Variants in MAOB observed in about 807,000 individuals in gnomAD.
MAOB encodes monoamine oxidase B, also known as amine oxidase [flavin-containing] B.
A neutral mutation model predicts 41.9 loss-of-function variants in MAOB; 15 were observed. The observed-to-expected ratio is 0.36, with a 90% CI of 0.24 to 0.55. The LOEUF (loss-of-function observed/expected upper bound fraction) is 0.55, where lower values mean the gene tolerates loss of function less well. Ranked by LOEUF, MAOB falls within the 20% of genes least tolerant of loss-of-function variation. The pLI is 0.86. For synonymous variants in MAOB, 167 were observed against 144.2 expected, an observed-to-expected ratio of 1.16 and a Z score of -1.13; for missense variants, 345 against 398.7, an observed-to-expected ratio of 0.87 and a Z score of 1.15.
intron 1 of MAOB, among the ~76,000 whole-genome samples, chrX:43,866,455 C>T (rs778103593): frequency 8.9e-6 from 1 of 111,827 alleles, no homozygotes; most frequent in South Asian, 3.7e-4. Context: ...TGAAATAAGC[C>T]GGACACAAAA....
intron 11 of MAOB, among the ~76,000 whole-genome samples, chrX:43,776,929 A>G (rs2034267049): frequency 1.8e-5 from 2 of 110,971 alleles, no homozygotes; most frequent in African/African-American, 6.6e-5. Context: ...GTCCCTACAA[A>G]GGACATGAAC....
At chrX:43,778,858 G>A (rs71653616) in intron 10 of MAOB, 119 bp from the exon 11 acceptor site, 15,652 of 509,945 alleles carry the variant, frequency 0.031, 251 homozygotes, top group Non-Finnish European at 0.035. Flanking sequence ...TTCCACTCCA[G>A]CATTTCATTT....
At chrX:43,793,904 T>A (rs143802329) in intron 7 of MAOB, among the ~76,000 whole-genome samples, 19 of 111,469 alleles carry the variant, frequency 1.7e-4, no homozygotes, top group South Asian at 1.5e-3. Flanking sequence ...TGAGACCCAG[T>A]CTCACTCTGT....
chrX:43,814,614 A>G (rs1211651461), intron 3 of MAOB, among the ~76,000 whole-genome samples: 1 of 111,742 alleles, frequency 8.9e-6, no homozygotes, highest in Non-Finnish European at 1.9e-5. Flanking sequence ...CTCTCCAGCT[A>G]TATCAGGAAA....
chrX:43,869,259 G>T (rs1404175941), intron 1 of MAOB, among the ~76,000 whole-genome samples: 2 of 111,804 alleles, frequency 1.8e-5, no homozygotes, highest in African/African-American at 6.5e-5. Context: ...ACAAAGTGCT[G>T]TTCCCACTGG....
chrX:43,882,128 C>T, intron 1 of MAOB, 126 bp downstream of exon 1: 4 of 1,085,677 alleles, frequency 3.7e-6, no homozygotes, highest in Non-Finnish European at 4.8e-6. Flanking sequence ...TAGAGCCCTG[C>T]CCGTGCGTGG....
chrX:43,851,239 C>T (rs760642604), intron 1 of MAOB, among the ~76,000 whole-genome samples: 1 of 111,853 alleles, frequency 8.9e-6, no homozygotes, highest in African/African-American at 3.2e-5. Flanking sequence ...TCAAATCCTT[C>T]TGGGAATTAG....
rs539888650 is a variant in MAOB, at chrX:43,767,259, G to A, written c.*207C>T. On this transcript the variant is annotated 3_prime_UTR_variant, in exon 15 of 15. Transcript: ENST00000378069. ...AATAAACTTGGAAACTGGTGAAACAGAACGCTAAGCCAGGTAAGGGACACT... is the reference window on the plus strand; with the variant it reads ...AATAAACTTGGAAACTGGTGAAACAAAACGCTAAGCCAGGTAAGGGACACT... 3.3e-5 allele frequency: 12 copies of A among 363,144 alleles called. No homozygotes were observed. Among genetic ancestry groups the A allele is most frequent in the Non-Finnish European group, 5.1e-5 (11 of 213,969 alleles). The allele number at this position is 363,144 out of a possible 1,213,427, so 29.9% of individuals were successfully genotyped here. A position where few individuals can be genotyped will look rare whatever the true frequency, so the allele number is the denominator to read the frequency against.
rs73472047 is a variant in MAOB at position 43,774,369 on chromosome X, G to A, written c.1235+806C>T. ...GCTAAAAGCCATTGAACTGTGCACC[G>A]TTTTGAATAGGTGAATTGTATGGTA... On this transcript the variant is annotated intron_variant, in intron 12 of 14. Transcript: ENST00000378069. Among the ~76,000 whole-genome samples the A allele has an allele frequency of 8.4e-3, 938 of 111,791 alleles. 12 individuals carry two copies. The highest frequency in any genetic ancestry group is 0.029 in the African/African-American group (897 of 30,789).
At chrX:43,875,500 T>C (rs940249177) in intron 1 of MAOB, among the ~76,000 whole-genome samples, 3 of 112,102 alleles carry the variant, frequency 2.7e-5, no homozygotes, top group African/African-American at 9.7e-5. Context: ...ATAACAACTT[T>C]TATGCAGACA....
chrX:43,841,323 G>C (rs936879084), intron 2 of MAOB, among the ~76,000 whole-genome samples: 1 of 110,851 alleles, frequency 9.0e-6, no homozygotes, highest in Non-Finnish European at 1.9e-5. Flanking sequence ...TTAAAATAAG[G>C]GTATTTATAA....
At position 43,780,248 on chromosome X, in the gene MAOB, G is replaced by A. The variant is rs2034312248; in HGVS notation, c.1079+94C>T. 9.7e-6 allele frequency: 7 copies of A among 724,126 alleles called. No individual in the cohort carries two copies. The East Asian group carries it at 2.5e-4, about 26-fold the overall frequency. 59.7% of individuals were successfully genotyped at this position (724,126 alleles called of 1,213,427 possible). On this transcript the variant is annotated intron_variant, in intron 10 of 14. Transcript: ENST00000378069. ...GTAAAAATGAAAGGCAGGCAAGTAG[G>A]TAGAAAAGAAGGAAAGAAAGAGAAA... is the stretch of plus-strand genomic sequence containing the variant.
At chrX:43,795,935 A>G in intron 6 of MAOB, 47 bp from the exon 7 acceptor site, 1 of 1,161,468 alleles carries the variant, frequency 8.6e-7, no homozygotes. Context: ...AATGGGCATA[A>G]ATTGCTAAAT....
chrX:43,873,052 T>C (rs189985579), intron 1 of MAOB, among the ~76,000 whole-genome samples: 11 of 112,490 alleles, frequency 9.8e-5, no homozygotes, highest in African/African-American at 3.5e-4. Flanking sequence ...TACCAAATGT[T>C]TGAAGTAATT....
intron 8 of MAOB, among the ~76,000 whole-genome samples, chrX:43,784,866 G>A (rs145252804): frequency 1.1e-4 from 12 of 112,291 alleles, no homozygotes; most frequent in Non-Finnish European, 1.9e-4. Context: ...TGTTGTTTCC[G>A]GTCGGGTGTG....
At chrX:43,858,140 C>T (rs2035310546) in intron 1 of MAOB, among the ~76,000 whole-genome samples, 1 of 111,703 alleles carries the variant, frequency 9.0e-6, no homozygotes, top group African/African-American at 3.3e-5. Context: ...TTTCTGTCAA[C>T]CCACTGAGGA....
At chrX:43,842,695 G>A (rs2035151965) in intron 2 of MAOB, among the ~76,000 whole-genome samples, 1 of 112,021 alleles carries the variant, frequency 8.9e-6, no homozygotes, top group Non-Finnish European at 1.9e-5. Flanking sequence ...GTGGATAAAT[G>A]GATGAGGAAG....
intron 11 of MAOB, among the ~76,000 whole-genome samples, chrX:43,777,313 C>G (rs1391834757): frequency 1.8e-5 from 2 of 110,357 alleles, no homozygotes; most frequent in African/African-American, 6.6e-5. Context: ...TATTTTTTGT[C>G]TTGATACTTT....
At chrX:43,772,607 C>T (rs188500064) in intron 12 of MAOB, among the ~76,000 whole-genome samples, 6 of 111,902 alleles carry the variant, frequency 5.4e-5, no homozygotes, top group Admixed American at 1.9e-4. Flanking sequence ...GTTCTTCCTC[C>T]CCCTTTGATC....
Sources: gnomAD v4.1 joint callset for allele counts (sites outside exome capture counted in the v4.1 genomes callset) on GRCh38, gnomAD v4.1.1 for gene constraint, MANE v1.5 for transcripts, NCBI Gene and HGNC (gene_info 2026-07-23, HGNC 2026-07-21) for gene names.